Variants in TRIM55 observed in about 807,000 individuals in gnomAD.
The protein encoded by TRIM55 is tripartite motif-containing protein 55.
TRIM55 carries 50 observed loss-of-function variants against 60.9 expected under a neutral mutation model. That is an observed-to-expected ratio of 0.82 (90% CI 0.65 to 1.04). TRIM55 has a LOEUF of 1.04. TRIM55 is among the 50% of genes least tolerant of loss of function. The probability of loss-of-function intolerance (pLI) is 0.00; values close to 1 mark genes in which losing one functional copy is unlikely to be tolerated. For missense variants in TRIM55, 681 were observed against 666.9 expected (o/e 1.02, Z -0.23); for synonymous variants, 237 against 238.1 (o/e 1.00, Z 0.04).
intron 3 of TRIM55, 105 bp from the exon 4 acceptor site, chr8:66,136,990 A>G (rs749538548): frequency 5.1e-5 from 45 of 888,296 alleles, no homozygotes; most frequent in Admixed American, 7.8e-5. Context: ...TAGGGGTTGC[A>G]TGGATCCTAA....
At chr8:66,149,178 A>G (rs927991706) in intron 4 of TRIM55, among the ~76,000 whole-genome samples, 1 of 152,164 alleles carries the variant, frequency 6.6e-6, no homozygotes, top group African/African-American at 2.4e-5. Flanking sequence ...GGAAGCTACA[A>G]ATTCTATATA....
intron 9 of TRIM55, among the ~76,000 whole-genome samples, chr8:66,170,324 A>G (rs1355293818): frequency 6.6e-6 from 1 of 152,202 alleles, no homozygotes; most frequent in Admixed American, 6.5e-5. Context: ...ATGTAAGTGG[A>G]ATCATATAAT....
chr8:66,120,305 C>T, the TRIM55 span, among the ~76,000 whole-genome samples: 1 of 152,306 alleles, frequency 6.6e-6, no homozygotes, highest in East Asian at 1.9e-4. Context: ...TGTCCCAAGT[C>T]CCTGAGTGGG....
chr8:66,140,187 A>G (rs954607548), intron 4 of TRIM55, among the ~76,000 whole-genome samples: 1 of 152,220 alleles, frequency 6.6e-6, no homozygotes, highest in African/African-American at 2.4e-5. Context: ...TGCACTTCTC[A>G]GAACATACTA....
intron 7 of TRIM55, among the ~76,000 whole-genome samples, chr8:66,151,859 A>T (rs1246737792): frequency 9.3e-6 from 1 of 107,296 alleles, no homozygotes; most frequent in African/African-American, 3.6e-5. Flanking sequence ...ATAATAAATA[A>T]ATAAATAAAT....
chr8:66,155,609 T>A, intron 9 of TRIM55: 1 of 1,551,294 alleles, frequency 6.4e-7, no homozygotes, highest in African/African-American at 1.4e-5. Flanking sequence ...AGCTTTCTTC[T>A]TGTTTTCTCA....
chr8:66,134,555 T>C (rs1809366444), intron 2 of TRIM55, among the ~76,000 whole-genome samples: 1 of 152,170 alleles, frequency 6.6e-6, no homozygotes, highest in African/African-American at 2.4e-5. Flanking sequence ...TGGTCCATAA[T>C]GGGAAAGTGT....
At chr8:66,173,283 A>T (rs1158470997) in intron 9 of TRIM55, among the ~76,000 whole-genome samples, 2 of 152,216 alleles carry the variant, frequency 1.3e-5, no homozygotes, top group Non-Finnish European at 2.9e-5. Flanking sequence ...ACAAAGGATT[A>T]TCCCAAAGCC....
At chr8:66,134,640 T>C (rs1225278682) in intron 2 of TRIM55, among the ~76,000 whole-genome samples, 1 of 152,208 alleles carries the variant, frequency 6.6e-6, no homozygotes, top group Non-Finnish European at 1.5e-5. Flanking sequence ...TTCGATATTC[T>C]ACTTTCAGGA....
intron 9 of TRIM55, among the ~76,000 whole-genome samples, chr8:66,157,384 G>A (rs1810804200): frequency 6.6e-6 from 1 of 152,164 alleles, no homozygotes; most frequent in South Asian, 2.1e-4. Context: ...GGTTGATAGA[G>A]ACCTCACTAT....
chr8:66,150,773 T>A (rs989105443), intron 7 of TRIM55, among the ~76,000 whole-genome samples: 1 of 152,170 alleles, frequency 6.6e-6, no homozygotes, highest in African/African-American at 2.4e-5. Flanking sequence ...TTCAAGCGAT[T>A]CTCCCGCCTC....
intron 4 of TRIM55, among the ~76,000 whole-genome samples, chr8:66,145,456 T>C (rs917597428): frequency 1.3e-5 from 2 of 152,248 alleles, no homozygotes; most frequent in African/African-American, 2.4e-5. Flanking sequence ...ATAATGATTT[T>C]ATATTTATCA....
In TRIM55 at chr8:66,149,774, C is replaced by T. The variant is rs140278864; in HGVS notation, c.733C>T (p.Arg245Cys). ...RTQEEKLEHV[R>C]ALIKKYSDHL... ...CCAAGAGGAGAAACTGGAACATGTC[C>T]GTGCTCTGATCAAAAAGTATTCTGA... Residue 245 changes from arginine to cysteine, a missense_variant, in exon 5 of 10, where the codon CGT (arginine) becomes TGT (cysteine). Coordinates refer to ENST00000315962, the MANE Select transcript of TRIM55 (RefSeq NM_184085.2). The T allele has an allele frequency of 9.3e-6, 15 of 1,614,014 alleles. No individual in the cohort carries two copies. The African/African-American group carries it at 1.2e-4, about 13-fold the overall frequency.
chr8:66,161,461 A>T lies in TRIM55; in HGVS notation c.1524+7127A>T, dbSNP rs188122284. Among the ~76,000 whole-genome samples, 407 of 152,206 alleles carry T rather than the reference A, an allele frequency of 2.7e-3. 5 individuals carry two copies. Among genetic ancestry groups the T allele is most frequent in the African/African-American group, 9.4e-3 (390 of 41,548 alleles). ...GGATAGTTTGAAGTTGGGTAATGTG[A>T]TGCCTACTGATTTGTTCTTTTTGCT... On this transcript the variant is annotated intron_variant, in intron 9 of 9. Coordinates refer to ENST00000315962, the MANE Select transcript of TRIM55 (RefSeq NM_184085.2).
At chr8:66,121,648 C>T in the TRIM55 span, among the ~76,000 whole-genome samples, 7 of 152,168 alleles carry the variant, frequency 4.6e-5, no homozygotes, top group Admixed American at 6.5e-5. Flanking sequence ...ATAAGGCAAA[C>T]GCTGAGCTGT....
the TRIM55 span, chr8:66,113,357 C>G: frequency 5.4e-6 from 2 of 368,210 alleles, no homozygotes; most frequent in South Asian, 4.0e-5. Context: ...CGCCGACACA[C>G]GTACACGTCC....
intron 3 of TRIM55, 115 bp downstream of exon 3, chr8:66,135,270 G>C: frequency 3.7e-6 from 4 of 1,094,522 alleles, no homozygotes; most frequent in Non-Finnish European, 5.5e-6. Flanking sequence ...AAGCCACGCA[G>C]GGCCATGGGA....
chr8:66,146,332 T>C (rs1810094008), intron 4 of TRIM55, among the ~76,000 whole-genome samples: 1 of 152,202 alleles, frequency 6.6e-6, no homozygotes, highest in Non-Finnish European at 1.5e-5. Flanking sequence ...TTGCAAGTAA[T>C]ATAGGAATGA....
intron 2 of TRIM55, among the ~76,000 whole-genome samples, chr8:66,129,204 G>T (rs1428286468): frequency 6.6e-6 from 1 of 152,140 alleles, no homozygotes; most frequent in East Asian, 1.9e-4. Context: ...TAACAAAAAA[G>T]GCTTCTTATT....
Sources: gnomAD v4.1 joint callset for allele counts (sites outside exome capture counted in the v4.1 genomes callset) on GRCh38, gnomAD v4.1.1 for gene constraint, MANE v1.5 for transcripts, NCBI Gene and HGNC (gene_info 2026-07-23, HGNC 2026-07-21) for gene names.